ITFG2: variants seen among roughly 807,000 people sequenced by gnomAD.
ITFG2 encodes the protein integrin alpha FG-GAP repeat containing 2, also known as KICSTOR complex protein ITFG2.
In ITFG2, 36 loss-of-function variants were observed where a neutral mutation model predicts 54.4. The observed-to-expected ratio is 0.66, with a 90% CI of 0.51 to 0.87. The LOEUF (loss-of-function observed/expected upper bound fraction) is 0.87, where lower values mean the gene tolerates loss of function less well. Among genes scored for constraint, ITFG2 ranks in the 40% least tolerant of loss-of-function variants. The pLI is 0.00. For missense variants in ITFG2, 524 were observed against 576.7 expected, an observed-to-expected ratio of 0.91 and a Z score of 0.94; for synonymous variants, 211 against 225.4, an observed-to-expected ratio of 0.94 and a Z score of 0.57.
chr12:2,813,060 A>G (rs1267963165), intron 1 of ITFG2, among the ~76,000 whole-genome samples: 1 of 152,084 alleles, frequency 6.6e-6, no homozygotes, highest in Non-Finnish European at 1.5e-5. Context: ...GTTTTTTGAG[A>G]CAGGCTCCGT....
intron 1 of ITFG2, among the ~76,000 whole-genome samples, chr12:2,838,240 C>T (rs1185249900): frequency 6.6e-6 from 1 of 152,026 alleles, no homozygotes; most frequent in Non-Finnish European, 1.5e-5. Flanking sequence ...CTGGGCAGGC[C>T]CCAAGCTGAA....
chr12:2,843,780 T>G (rs1163537505), intron 2 of ITFG2, among the ~76,000 whole-genome samples: 3 of 151,438 alleles, frequency 2.0e-5, no homozygotes, highest in Non-Finnish European at 2.9e-5. Context: ...GCCACTGCAC[T>G]CCAGCCTGGG....
At chr12:2,851,019 T>A (rs1000069714) in intron 2 of ITFG2, among the ~76,000 whole-genome samples, 6 of 140,486 alleles carry the variant, frequency 4.3e-5, no homozygotes, top group African/African-American at 5.4e-5. Flanking sequence ...GAGTCTCGCT[T>A]AGCCAGGCAT....
chr12:2,819,687 T>C (rs1328910565), intron 4 of ITFG2: 1 of 152,072 alleles, frequency 6.6e-6, no homozygotes. Flanking sequence ...AGAGCTAGAG[T>C]GTCGAGGTAG....
chr12:2,822,865 C>G lies in ITFG2; in HGVS notation c.1020C>G (p.Thr340=), dbSNP rs773573315. ...GQTYIIDHNR[T]VVRFQVDENI... is the part of the protein sequence containing the mutation. ...CATATATCATTGATCACAACCGCAC[C>G]GTCGTCCGCTTCCAAGTGGATGAAA... Residue 340 remains threonine (T), a synonymous_variant, in exon 10 of 12, where the codon ACC becomes ACG. Transcript: ENST00000228799. 2.5e-6 allele frequency: 4 copies of G among 1,614,030 alleles called. No homozygotes were observed. The highest frequency in any genetic ancestry group is 3.4e-6 in the Non-Finnish European group (4 of 1,180,026).
At position 2,821,681 on chromosome 12, in the gene ITFG2, T is replaced by TC. The variant is rs1405380083; in HGVS notation, c.848-6dup. The TC allele has an allele frequency of 3.1e-6, 5 of 1,613,170 alleles. No homozygotes were observed. The highest frequency in any genetic ancestry group is 1.1e-5 in the South Asian group (1 of 91,050). On this transcript the variant is annotated splice_polypyrimidine_tract_variant and intron_variant, in intron 8 of 11. Transcript: ENST00000228799. ...ATCCCACCCACACTCAGCCTGCCTCTCCCCCGGCAGGGACACTGAAGCTCA... is the reference window on the plus strand; with the variant it reads ...ATCCCACCCACACTCAGCCTGCCTCTCCCCCCGGCAGGGACACTGAAGCTCA...
At chr12:2,849,606 G>T (rs1197273604) in intron 2 of ITFG2, 2 of 1,460,522 alleles carry the variant, frequency 1.4e-6, no homozygotes, top group Non-Finnish European at 1.8e-6. Flanking sequence ...AAGGGGAAGG[G>T]TGATGCCGCT....
chr12:2,855,154 C>T (rs1453478377), intron 2 of ITFG2: 49 of 1,525,560 alleles, frequency 3.2e-5, no homozygotes, highest in Non-Finnish European at 3.9e-5. Context: ...GGTCAGCCAG[C>T]GCCAGACATT....
chr12:2,821,927 T>C (rs977116259), intron 9 of ITFG2, 135 bp downstream of exon 9: 5 of 693,184 alleles, frequency 7.2e-6, no homozygotes, highest in Non-Finnish European at 1.2e-5. Context: ...CTTTTTTTTT[T>C]TTCCTTTTTT....
chr12:2,827,189 G>T, downstream of ITFG2: 2 of 1,613,980 alleles, frequency 1.2e-6, no homozygotes, highest in South Asian at 2.2e-5. This position sits in a 1 kb window ranked among gnomAD's most constrained non-coding sequence, Gnocchi z 4.0. Context: ...TCCCTCTGGG[G>T]ACTGACTGAG....
upstream of ITFG2, among the ~76,000 whole-genome samples, chr12:2,836,422 G>A (rs2153926721): frequency 6.6e-6 from 1 of 152,258 alleles, no homozygotes; most frequent in Middle Eastern, 3.4e-3. Flanking sequence ...GCTCCCTAAG[G>A]GTGCAGTCTG....
intron 1 of ITFG2, among the ~76,000 whole-genome samples, chr12:2,816,636 CTTTT>C (rs57417012): frequency 9.0e-6 from 1 of 111,262 alleles, no homozygotes; most frequent in Non-Finnish European, 1.8e-5. Flanking sequence ...GCCTTTTTTT[CTTTT>C]TTTTTTTTTT....
At chr12:2,821,508 C>G (rs1290232034) in intron 7 of ITFG2, 35 bp from the exon 8 acceptor site, 2 of 1,611,910 alleles carry the variant, frequency 1.2e-6, no homozygotes, top group Non-Finnish European at 8.5e-7. Context: ...TGACCTTGCC[C>G]TGCCCTTTAC....
intron 2 of ITFG2, among the ~76,000 whole-genome samples, chr12:2,856,012 T>C (rs2153929815): frequency 6.6e-6 from 1 of 152,246 alleles, no homozygotes; most frequent in East Asian, 1.9e-4. Flanking sequence ...AGAAAGCATC[T>C]AGAATGGCAG....
In ITFG2 at chr12:2,820,823, A is replaced by G. The variant is rs780687011; in HGVS notation, c.646A>G (p.Lys216Glu). ...TGCAATTCTACTGTGTACCTGGAAAAAGGACACTGGGTCCCCTCCTGCCTC... is the reference window on the plus strand; with the variant it reads ...TGCAATTCTACTGTGTACCTGGAAAGAGGACACTGGGTCCCCTCCTGCCTC... Reference protein sequence around the residue: ...AYAILLCTWKKDTGSPPASEG... With the variant: ...AYAILLCTWKEDTGSPPASEG... The change falls in exon 6 of 12, where the codon AAG (lysine) becomes GAG (glutamate). Residue 216 changes from lysine to glutamate, a missense_variant. Coordinates refer to ENST00000228799, the MANE Select transcript of ITFG2 (RefSeq NM_018463.4). 1 of 1,614,004 alleles carries G rather than the reference A, an allele frequency of 6.2e-7. No individual in the cohort carries two copies. Among genetic ancestry groups the G allele is most frequent in the Non-Finnish European group, 8.5e-7 (1 of 1,179,966 alleles).
At chr12:2,813,292 C>T (rs1487695240) in intron 1 of ITFG2, among the ~76,000 whole-genome samples, 3 of 152,198 alleles carry the variant, frequency 2.0e-5, no homozygotes, top group Non-Finnish European at 4.4e-5. Flanking sequence ...CAGCCCTTCT[C>T]GTTTTTTAAA....
intron 2 of ITFG2, among the ~76,000 whole-genome samples, chr12:2,841,863 C>CAT (rs1433392017): frequency 6.6e-6 from 1 of 151,238 alleles, no homozygotes; most frequent in East Asian, 2.0e-4. Context: ...GGACTACAGG[C>CAT]GCCCGCCACC....
In ITFG2 at chr12:2,849,619, C is replaced by A. The variant is rs1000930747; in HGVS notation, n.301-8393C>A. ...GGAAGGGGAAGGGTGATGCCGCTGTCCACAAGCTAGTTAGCCATCAGGCGG... is the reference window on the plus strand; with the variant it reads ...GGAAGGGGAAGGGTGATGCCGCTGTACACAAGCTAGTTAGCCATCAGGCGG... On this transcript the variant is annotated intron_variant and non_coding_transcript_variant, in intron 2 of 3. Coordinates refer to the ITFG2 transcript ENST00000537710. The A allele has an allele frequency of 6.7e-5, 93 of 1,393,054 alleles. No homozygotes were observed. The African/African-American group carries it at 1.1e-3, about 16-fold the overall frequency. The allele number at this position is 1,393,054 out of a possible 1,614,324, so 86.3% of individuals were successfully genotyped here.
intron 1 of ITFG2, among the ~76,000 whole-genome samples, chr12:2,816,645 T>C (rs1012854346): frequency 6.1e-5 from 9 of 147,492 alleles, no homozygotes; most frequent in African/African-American, 2.3e-4. Context: ...TCTTTTTTTT[T>C]TTTTTTTTTG....
Sources: allele counts gnomAD v4.1 joint callset (sites outside exome capture counted in the v4.1 genomes callset), GRCh38; gene constraint gnomAD v4.1.1; non-coding constraint Gnocchi (gnomAD v3.1); transcripts MANE v1.5; gene names NCBI Gene and HGNC (gene_info 2026-07-23, HGNC 2026-07-21).